Variants in SCAI observed in about 807,000 individuals in gnomAD.
SCAI encodes the protein suppressor of cancer cell invasion, also known as protein SCAI.
In SCAI, 24 loss-of-function variants were observed where a neutral mutation model predicts 92.2. The observed-to-expected ratio is 0.26, with a 90% confidence interval of 0.19 to 0.37. The LOEUF (loss-of-function observed/expected upper bound fraction) is 0.37, where lower values mean the gene tolerates loss of function less well. SCAI is among the 10% of genes least tolerant of loss of function. The pLI is 1.00. For missense variants in SCAI, 450 were observed against 736.2 expected (o/e 0.61, Z 4.50); for synonymous variants, 261 against 258.6 (o/e 1.01, Z -0.09).
At chr9:125,080,090 C>T (rs1834179735) in intron 2 of SCAI, among the ~76,000 whole-genome samples, 1 of 152,048 alleles carries the variant, frequency 6.6e-6, no homozygotes, top group East Asian at 1.9e-4. Flanking sequence ...TCCTTAGTCA[C>T]TTGTAGCTGG....
intron 2 of SCAI, among the ~76,000 whole-genome samples, chr9:125,069,717 G>A (rs543273205): frequency 5.2e-4 from 74 of 143,400 alleles, no homozygotes; most frequent in African/African-American, 1.8e-3. Flanking sequence ...TCCACCTCCC[G>A]GGTTCAAGCA....
At chr9:125,084,124 A>G (rs890044860) in intron 2 of SCAI, among the ~76,000 whole-genome samples, 1 of 149,058 alleles carries the variant, frequency 6.7e-6, no homozygotes, top group Admixed American at 6.7e-5. Context: ...GCCCCTCACA[A>G]ATTAGTTAAT....
At chr9:125,104,237 T>A (rs1366375638) in intron 2 of SCAI, among the ~76,000 whole-genome samples, 1 of 152,222 alleles carries the variant, frequency 6.6e-6, no homozygotes, top group African/African-American at 2.4e-5. Flanking sequence ...CAATTCTTCC[T>A]ATTATATTAA....
chr9:124,977,444 T>C (rs892677397), intron 14 of SCAI, among the ~76,000 whole-genome samples: 2 of 151,864 alleles, frequency 1.3e-5, no homozygotes, highest in Non-Finnish European at 2.9e-5. Context: ...CTTTGGGAGG[T>C]GGGAGAATCA....
intron 2 of SCAI, among the ~76,000 whole-genome samples, chr9:125,118,114 A>G (rs1041283630): frequency 1.3e-5 from 2 of 152,204 alleles, no homozygotes; most frequent in Non-Finnish European, 2.9e-5. Context: ...ACAATTAAAA[A>G]TTGATTTAAA....
intron 17 of SCAI, among the ~76,000 whole-genome samples, chr9:124,953,590 C>T (rs2131568706): frequency 2.0e-5 from 3 of 152,242 alleles, no homozygotes; most frequent in Middle Eastern, 6.8e-3. Context: ...CACGCCATTG[C>T]ACTCCAGCCC....
intron 2 of SCAI, among the ~76,000 whole-genome samples, chr9:125,111,422 A>G (rs1834926452): frequency 6.6e-6 from 1 of 152,332 alleles, no homozygotes; most frequent in African/African-American, 2.4e-5. Context: ...AAAAAGGAAG[A>G]AAGCAGATGA....
chr9:124,976,305 C>T (rs1248291563), intron 14 of SCAI, 119 bp from the exon 15 acceptor site: 2 of 670,328 alleles, frequency 3.0e-6, no homozygotes, highest in Admixed American at 4.6e-5. Flanking sequence ...TAAATAGATG[C>T]AGAAACATCA....
At chr9:125,002,098 G>T in intron 11 of SCAI, 55 bp from the exon 12 acceptor site, 1 of 1,212,328 alleles carries the variant, frequency 8.2e-7, no homozygotes, top group Non-Finnish European at 1.2e-6. Context: ...AAACAACATG[G>T]TTTTATTTAA....
intron 3 of SCAI, among the ~76,000 whole-genome samples, chr9:125,052,478 G>A (rs1308313680): frequency 6.6e-6 from 1 of 152,068 alleles, no homozygotes; most frequent in Non-Finnish European, 1.5e-5. Context: ...TAGGGGGGCG[G>A]TGGGTGCCGA....
In SCAI at chr9:125,046,325, A is replaced by ATATATGTGATAT. The variant is rs1564391930; in HGVS notation, c.230+9550_230+9551insATATCACATATA. 5.0e-3 allele frequency among the ~76,000 whole-genome samples: 210 copies of ATATATGTGATAT among 41,930 alleles called. 2 individuals carry two copies. The highest frequency in any genetic ancestry group is 0.017 in the African/African-American group (200 of 11,590). The allele number at this position is 41,930 out of a possible 152,430, so 27.5% of individuals were successfully genotyped here. A position where few individuals can be genotyped will look rare whatever the true frequency, so the allele number is the denominator to read the frequency against. On this transcript the variant is annotated intron_variant, in intron 3 of 17. Coordinates refer to ENST00000336505, the MANE Select transcript of SCAI (RefSeq NM_001144877.3). ...CTATCTCATATATATATACACACAC[A>ATATATGTGATAT]CACACACATATATATATGTGTGTGT...
chr9:125,104,993 T>C (rs970174458), intron 2 of SCAI, among the ~76,000 whole-genome samples: 6 of 151,506 alleles, frequency 4.0e-5, no homozygotes, highest in Non-Finnish European at 4.4e-5. Context: ...GTCAACACTG[T>C]TTTGTTTCCT....
chr9:125,084,933 G>C (rs1811538926), intron 2 of SCAI, among the ~76,000 whole-genome samples: 1 of 152,130 alleles, frequency 6.6e-6, no homozygotes, highest in African/African-American at 2.4e-5. Flanking sequence ...CCAAGTCCAG[G>C]TCCCAATTGT....
At chr9:125,094,290 C>T (rs769557570) in intron 2 of SCAI, among the ~76,000 whole-genome samples, 34 of 152,134 alleles carry the variant, frequency 2.2e-4, no homozygotes, top group Non-Finnish European at 4.3e-4. Context: ...TATTCTCATT[C>T]ATTCTAGCCA....
intron 3 of SCAI, among the ~76,000 whole-genome samples, chr9:125,046,588 C>A (rs1004327908): frequency 6.6e-6 from 1 of 150,406 alleles, no homozygotes; most frequent in African/African-American, 2.4e-5. Flanking sequence ...CAAGACTACA[C>A]ATTGGGTACA....
At chr9:125,059,562 A>G (rs938115266) in intron 2 of SCAI, among the ~76,000 whole-genome samples, 8 of 152,220 alleles carry the variant, frequency 5.3e-5, no homozygotes, top group African/African-American at 1.7e-4. Context: ...AAACTACACT[A>G]ATTATAGCAG....
intron 3 of SCAI, among the ~76,000 whole-genome samples, chr9:125,035,293 T>C (rs774244198): frequency 2.0e-5 from 3 of 152,116 alleles, no homozygotes; most frequent in Admixed American, 6.6e-5. Context: ...AGGTCGGGAC[T>C]GCAGTGAGCT....
rs140990962 is a variant in SCAI, at chr9:125,019,838, C to T, written c.610-633G>A. Among the ~76,000 whole-genome samples, 122 of 152,066 alleles carry T rather than the reference C, an allele frequency of 8.0e-4. No individual in the cohort carries two copies. In the East Asian group the frequency reaches 0.014, roughly 18 times the overall value. The stretch of plus-strand genomic sequence containing the variant: ...CCTGTAATCCCAGCACTTCGGGAGG[C>T]AGAGGCTGGCGGATTGCTTGAACTC... On this transcript the variant is annotated intron_variant, in intron 7 of 17. Transcript: ENST00000336505.
At chr9:125,053,642 G>C (rs1192568697) in intron 3 of SCAI, among the ~76,000 whole-genome samples, 1 of 152,142 alleles carries the variant, frequency 6.6e-6, no homozygotes, top group Non-Finnish European at 1.5e-5. Context: ...TAGATTGGTG[G>C]TTGTCAGGGG....
Sources: gnomAD v4.1 joint callset for allele counts (sites outside exome capture counted in the v4.1 genomes callset) on GRCh38, gnomAD v4.1.1 for gene constraint, MANE v1.5 for transcripts, NCBI Gene and HGNC (gene_info 2026-07-23, HGNC 2026-07-21) for gene names.